MAST4: variants seen among roughly 807,000 people sequenced by gnomAD.
MAST4 encodes microtubule associated serine/threonine kinase family member 4, also known as microtubule-associated serine/threonine-protein kinase 4.
A neutral mutation model predicts 162.7 loss-of-function variants in MAST4; 89 were observed. The observed-to-expected ratio is 0.55, with a 90% confidence interval of 0.46 to 0.65. MAST4 has a LOEUF of 0.65. MAST4 is among the 30% of genes least tolerant of loss of function. The pLI, the probability that MAST4 is intolerant of heterozygous loss-of-function variation, is 0.00. For missense variants in MAST4, 3,153 were observed against 3,374.0 expected (o/e 0.93, Z 1.62); for synonymous variants, 1,479 against 1,361.1 (o/e 1.09, Z -1.91).
Position 66,920,525 on chromosome 5 carries a change from T to C in MAST4, c.674+20543T>C, listed in dbSNP as rs547553846. Reference sequence around the variant, plus strand: ...AAGTGTTATTAATATGTTTCTCTTATAATACCTACACTGAAACATTGAATG... The same window carrying C: ...AAGTGTTATTAATATGTTTCTCTTACAATACCTACACTGAAACATTGAATG... On this transcript the variant is annotated intron_variant, in intron 4 of 28. Coordinates refer to ENST00000403625, the MANE Select transcript of MAST4 (RefSeq NM_001164664.2). Among the ~76,000 whole-genome samples, 4 of 152,308 alleles carry C rather than the reference T, an allele frequency of 2.6e-5. No individual in the cohort carries two copies. In the South Asian group the frequency reaches 8.3e-4, roughly 32 times the overall value.
At chr5:66,859,513 C>T (rs1343240982) in intron 3 of MAST4, among the ~76,000 whole-genome samples, 1 of 152,096 alleles carries the variant, frequency 6.6e-6, no homozygotes, top group Admixed American at 6.5e-5. Context: ...GTTACCTTTC[C>T]CATAAACCCC....
chr5:66,855,434 T>C (rs1026401414), intron 3 of MAST4, among the ~76,000 whole-genome samples: 4 of 152,168 alleles, frequency 2.6e-5, no homozygotes, highest in Admixed American at 2.0e-4. Flanking sequence ...AATGGCCCAA[T>C]GCAAGTAGAA....
intron 2 of MAST4, among the ~76,000 whole-genome samples, chr5:66,779,437 A>G (rs1364226078): frequency 2.7e-5 from 4 of 148,594 alleles, no homozygotes; most frequent in Admixed American, 6.7e-5. Flanking sequence ...TAGCAGTTCA[A>G]TATAGGAGTC....
chr5:66,732,499 C>A (rs1751914271), intron 1 of MAST4, among the ~76,000 whole-genome samples: 1 of 152,208 alleles, frequency 6.6e-6, no homozygotes, highest in African/African-American at 2.4e-5. Flanking sequence ...GCACTTTGGA[C>A]ACACCTCTCT....
At chr5:66,883,717 G>A (rs148166388) in intron 3 of MAST4, among the ~76,000 whole-genome samples, 14 of 152,182 alleles carry the variant, frequency 9.2e-5, no homozygotes, top group African/African-American at 2.2e-4. Flanking sequence ...ATGAGCCACC[G>A]CGCCCGGCTT....
At chr5:67,146,039 T>G (rs1771043203) in intron 23 of MAST4, among the ~76,000 whole-genome samples, 1 of 152,216 alleles carries the variant, frequency 6.6e-6, no homozygotes, top group South Asian at 2.1e-4. Context: ...TTTAAATTGA[T>G]AGTTTACGTG....
At chr5:66,792,086 ATC>A (rs1462141676) in intron 3 of MAST4, 1 of 160,256 alleles carries the variant, frequency 6.2e-6, no homozygotes, top group Non-Finnish European at 1.5e-5. Context: ...TATCAAAATT[ATC>A]TCTGCCGATT....
Position 66,746,553 on chromosome 5 carries a change from C to T in MAST4, c.364-13156C>T, listed in dbSNP as rs574394193. 3.9e-5 allele frequency among the ~76,000 whole-genome samples: 6 copies of T among 152,296 alleles called. No individual in the cohort carries two copies. The East Asian group carries it at 9.6e-4, about 24-fold the overall frequency. On this transcript the variant is annotated intron_variant, in intron 1 of 28. Coordinates refer to ENST00000403625, the MANE Select transcript of MAST4 (RefSeq NM_001164664.2). ...TTTCTCTCCCAAAGCTGGAAGCAGG[C>T]ATATAATGTCAGGTTTTGTGGCATC...
chr5:66,817,770 A>G (rs1425014829), intron 3 of MAST4, among the ~76,000 whole-genome samples: 2 of 152,188 alleles, frequency 1.3e-5, no homozygotes, highest in Non-Finnish European at 2.9e-5. Flanking sequence ...TGCATTAATG[A>G]TATCATTAAG....
chr5:66,972,813 C>G (rs763229615), intron 4 of MAST4, among the ~76,000 whole-genome samples: 9 of 152,222 alleles, frequency 5.9e-5, no homozygotes, highest in Non-Finnish European at 1.0e-4. Flanking sequence ...CCACTGTCTT[C>G]CGTGATCCGG....
At chr5:66,623,667 T>A (rs1008285274) in intron 1 of MAST4, among the ~76,000 whole-genome samples, 1 of 152,200 alleles carries the variant, frequency 6.6e-6, no homozygotes, top group African/African-American at 2.4e-5. Context: ...AACGCTATAA[T>A]CAATGGGCTA....
intron 3 of MAST4, among the ~76,000 whole-genome samples, chr5:66,848,447 T>A (rs911269833): frequency 2.7e-5 from 4 of 147,646 alleles, no homozygotes; most frequent in African/African-American, 1.1e-4. Flanking sequence ...AGGCAGGTTG[T>A]TTTTTTTGTT....
intron 5 of MAST4, among the ~76,000 whole-genome samples, chr5:67,066,976 T>C (rs1760320303): frequency 6.6e-6 from 1 of 152,198 alleles, no homozygotes; most frequent in Admixed American, 6.5e-5. Flanking sequence ...GCTGAAACAA[T>C]AGCCAGTTGT....
chr5:66,966,814 T>C (rs1176826781), intron 4 of MAST4, among the ~76,000 whole-genome samples: 1 of 152,212 alleles, frequency 6.6e-6, no homozygotes, highest in Non-Finnish European at 1.5e-5. Context: ...AGGTGTTCAG[T>C]AGATAATTTT....
In MAST4 at chr5:66,788,722, A is replaced by G. The variant is rs200286273; in HGVS notation, c.570A>G (p.Ala190=). ...CGGGACAGGCCTGGCCGGCCTCTGC[A>G]GAGACGTCCAACCTCGTGCGCATGC... ...PVAGQAWPAS[A]ETSNLVRMRS... Residue 190 remains alanine (A), a synonymous_variant, in exon 3 of 29, where the codon GCA becomes GCG. Transcript: ENST00000403625. The G allele has an allele frequency of 1.7e-4, 268 of 1,613,510 alleles. No homozygotes were observed. The African/African-American group carries it at 2.9e-3, about 18-fold the overall frequency.
intron 4 of MAST4, among the ~76,000 whole-genome samples, chr5:66,927,278 A>G (rs1166099296): frequency 1.3e-5 from 2 of 152,228 alleles, no homozygotes; most frequent in Admixed American, 1.3e-4. Flanking sequence ...TTGAATCCTC[A>G]GAAGTGAGCA....
intron 4 of MAST4, among the ~76,000 whole-genome samples, chr5:66,948,138 T>C (rs1744249479): frequency 6.6e-6 from 1 of 152,080 alleles, no homozygotes; most frequent in South Asian, 2.1e-4. Flanking sequence ...TTAAACAGGC[T>C]GAGGGACTAA....
At chr5:66,826,320 C>T (rs748326737) in intron 3 of MAST4, among the ~76,000 whole-genome samples, 6 of 151,720 alleles carry the variant, frequency 4.0e-5, no homozygotes, top group Non-Finnish European at 7.4e-5. Flanking sequence ...TAGATTTTAT[C>T]TCAAAATATT....
rs994221602 is a variant in MAST4 at position 67,045,997 on chromosome 5, G to A, written c.675-8407G>A. On this transcript the variant is annotated intron_variant, in intron 4 of 28. Coordinates refer to ENST00000403625, the MANE Select transcript of MAST4 (RefSeq NM_001164664.2). ...GCCTGATACATTTTGCATATTTCAC[G>A]TAACTCAGACTGCTCTGAGCTATTT... Among the ~76,000 whole-genome samples, 7 of 152,058 alleles carry A rather than the reference G, an allele frequency of 4.6e-5. No homozygotes were observed. The East Asian group carries it at 5.8e-4, about 13-fold the overall frequency.
Sources: gnomAD v4.1 joint callset for allele counts (sites outside exome capture counted in the v4.1 genomes callset) on GRCh38, gnomAD v4.1.1 for gene constraint, MANE v1.5 for transcripts, NCBI Gene and HGNC (gene_info 2026-07-23, HGNC 2026-07-21) for gene names.